The following LRP5 variants were observed in gnomAD, a reference collection of about 807,000 sequenced individuals.
LRP5 encodes the protein low-density lipoprotein receptor-related protein 5.
LRP5 carries 62 observed loss-of-function variants against 154.1 expected under a neutral mutation model. The ratio of observed to expected loss-of-function variants is 0.40; its 90% CI spans 0.33 to 0.50. LRP5 has a LOEUF of 0.50. Among genes scored for constraint, LRP5 ranks in the 20% least tolerant of loss-of-function variants. The pLI is 0.55. For synonymous variants in LRP5, 966 were observed against 1,011.5 expected (o/e 0.96, Z 0.85); for missense variants, 1,915 against 2,336.7 (o/e 0.82, Z 3.72).
chr11:68,341,955 G>T (rs766803713), intron 1 of LRP5, among the ~76,000 whole-genome samples: 66 of 152,176 alleles, frequency 4.3e-4, no homozygotes, highest in Non-Finnish European at 7.5e-4. Flanking sequence ...GCTGGTGCTG[G>T]GCACTCGCCT....
At position 68,438,599 on chromosome 11, in the gene LRP5, T is replaced by A. The variant is rs1554978220; in HGVS notation, c.4265T>A (p.Phe1422Tyr). 1 of 1,614,008 alleles carries A rather than the reference T, an allele frequency of 6.2e-7. No homozygotes were observed. Among genetic ancestry groups the A allele is most frequent in the Non-Finnish European group, 8.5e-7 (1 of 1,179,998 alleles). ...CQRYAGANGP[F>Y]PHEYVSGTPH... ...CGCTATGCGGGGGCCAACGGGCCCT[T>A]CCCGCACGAGTATGTCAGCGGGACC... Residue 1422 changes from phenylalanine (F) to tyrosine (Y), a missense_variant, in exon 20 of 23, where the codon TTC (phenylalanine) becomes TAC (tyrosine). Physicochemically the swap from Phe to Tyr is conservative, Grantham distance 22 (BLOSUM62 3). Around this residue, in one of 3 missense-constraint regions of LRP5, gnomAD observed 1,094 missense variants for 1,210.1 expected, o/e 0.90. Coordinates refer to ENST00000294304, the MANE Select transcript of LRP5 (RefSeq NM_002335.4).
chr11:68,341,388 C>G (rs1329592976), intron 1 of LRP5, among the ~76,000 whole-genome samples: 1 of 152,068 alleles, frequency 6.6e-6, no homozygotes, highest in Non-Finnish European at 1.5e-5. Context: ...GGTGCAGCCT[C>G]AGGTGTCTGC....
chr11:68,344,849 CTTTTTTTTTTTTTTTT>C (rs58477287), intron 1 of LRP5, among the ~76,000 whole-genome samples: 4 of 65,544 alleles, frequency 6.1e-5, no homozygotes, highest in Non-Finnish European at 8.8e-5. Flanking sequence ...GAATCTCTCT[CTTTTTTTTTTTTTTTT>C]TTTTTTTTTT....
rs1298047992 is a variant in LRP5 at position 68,433,595 on chromosome 11, C to T, written c.3764-7C>T. On this transcript the variant is annotated splice_region_variant and splice_polypyrimidine_tract_variant and intron_variant, in intron 17 of 22. Coordinates refer to ENST00000294304, the MANE Select transcript of LRP5 (RefSeq NM_002335.4). ...GCGTGTGATGTTCTCCTCTGTCCCT[C>T]CCCCAGAGCCGCCCACCTGCTCCCC... 3 of 1,610,910 alleles carry T rather than the reference C, an allele frequency of 1.9e-6. No individual in the cohort carries two copies. Among genetic ancestry groups the T allele is most frequent in the Admixed American group, 3.3e-5 (2 of 60,018 alleles).
chr11:68,352,427 G>T (rs1266754577), intron 2 of LRP5, among the ~76,000 whole-genome samples: 1 of 152,224 alleles, frequency 6.6e-6, no homozygotes, highest in African/African-American at 2.4e-5. Context: ...TAATAAAAAT[G>T]CCCTTTCCTC....
chr11:68,360,327 A>G lies in LRP5; in HGVS notation c.686+2480A>G, dbSNP rs116968867. ...CCACTGTGCCTAGCCTGTGTTTGCT[A>G]TTTTGATCCCCTGTGCACAGAGAAG... On this transcript the variant is annotated intron_variant, in intron 3 of 22. Transcript: ENST00000294304. Among the ~76,000 whole-genome samples, 191 of 152,238 alleles carry G rather than the reference A, an allele frequency of 1.3e-3. 3 individuals carry two copies. The East Asian group carries it at 0.034, about 27-fold the overall frequency.
At chr11:68,358,778 C>T (rs1247122209) in intron 3 of LRP5, among the ~76,000 whole-genome samples, 2 of 152,360 alleles carry the variant, frequency 1.3e-5, no homozygotes, top group South Asian at 2.1e-4. Context: ...CTTATAGAAA[C>T]ATCCCTTCTG....
chr11:68,362,329 A>G (rs1249867949), intron 3 of LRP5, among the ~76,000 whole-genome samples: 4 of 152,218 alleles, frequency 2.6e-5, no homozygotes, highest in Non-Finnish European at 5.9e-5. Flanking sequence ...CTTTGGAACT[A>G]GACAGAAGTG....
chr11:68,364,358 ATGTGTG>A (rs113821152), intron 4 of LRP5, among the ~76,000 whole-genome samples: 197 of 145,516 alleles, frequency 1.4e-3, no homozygotes, highest in African/African-American at 3.9e-3. Flanking sequence ...ATACATATAT[ATGTGTG>A]TGTGTGTGTG....
At chr11:68,421,787 TGTGTGTGGG>T (rs2098665921) in intron 13 of LRP5, among the ~76,000 whole-genome samples, 4 of 110,684 alleles carry the variant, frequency 3.6e-5, no homozygotes, top group African/African-American at 1.5e-4. Context: ...TGGGGGTGTG[TGTGTGTGGG>T]GTGTGTGTGT....
intron 1 of LRP5, among the ~76,000 whole-genome samples, chr11:68,314,367 A>G (rs866005614): frequency 4.0e-4 from 61 of 152,218 alleles, no homozygotes; most frequent in Admixed American, 2.6e-3. Context: ...GCAAAAATAG[A>G]GTTGATTATT....
At chr11:68,317,362 A>T (rs2098594011) in intron 1 of LRP5, among the ~76,000 whole-genome samples, 1 of 152,244 alleles carries the variant, frequency 6.6e-6, no homozygotes, top group East Asian at 1.9e-4. Flanking sequence ...TCCTTTGAAG[A>T]GTACCCCGAG....
intron 5 of LRP5, among the ~76,000 whole-genome samples, chr11:68,368,263 G>A (rs1269055874): frequency 1.3e-5 from 2 of 152,204 alleles, no homozygotes; most frequent in Non-Finnish European, 2.9e-5. Flanking sequence ...ATGGACATAG[G>A]ACAGACCTGG....
chr11:68,302,111 C>G, the LRP5 span, among the ~76,000 whole-genome samples: 1 of 151,296 alleles, frequency 6.6e-6, no homozygotes, highest in African/African-American at 2.4e-5. Flanking sequence ...AATCCCAGCA[C>G]TTTGGGAGGC....
chr11:68,344,982 C>A (rs1350400214), intron 1 of LRP5, among the ~76,000 whole-genome samples: 1 of 150,098 alleles, frequency 6.7e-6, no homozygotes, highest in Non-Finnish European at 1.5e-5. Context: ...CCTGCCTCAG[C>A]CTCCTTAGCA....
chr11:68,326,576 C>T (rs1328282900), intron 1 of LRP5, among the ~76,000 whole-genome samples: 3 of 152,232 alleles, frequency 2.0e-5, no homozygotes, highest in African/African-American at 4.8e-5. Context: ...GCGCAGTTGG[C>T]GCTCCGTGGT....
intron 1 of LRP5, among the ~76,000 whole-genome samples, chr11:68,344,044 G>T (rs1289287319): frequency 6.6e-6 from 1 of 151,972 alleles, no homozygotes; most frequent in African/African-American, 2.4e-5. Flanking sequence ...GCCTTCCCCC[G>T]CCCGAGGGAC....
At chr11:68,365,089 C>T (rs978992561) in intron 4 of LRP5, among the ~76,000 whole-genome samples, 2 of 152,256 alleles carry the variant, frequency 1.3e-5, no homozygotes, top group East Asian at 1.9e-4. Context: ...AGCACAAAGA[C>T]AAGACAAGCC....
At position 68,386,242 on chromosome 11, in the gene LRP5, C is replaced by T. The variant is rs17848255; in HGVS notation, c.1016-74C>T. ...GGCCTGGCTGAGTATTTCCCTTGCC[C>T]GGCCCACCCCAGGCCTAGACTTGTG... On this transcript the variant is annotated intron_variant, in intron 5 of 22. Transcript: ENST00000294304. The surrounding 1 kb of genome is among the most constrained non-coding windows in gnomAD (Gnocchi z 7.9). 0.15 allele frequency: 231,762 copies of T among 1,581,264 alleles called. 19,536 individuals carry two copies. The highest frequency in any genetic ancestry group is 0.32 in the Admixed American group (19,286 of 59,834).
Sources: gnomAD v4.1 joint callset for allele counts (sites outside exome capture counted in the v4.1 genomes callset) on GRCh38, gnomAD v4.1.1 for gene constraint, gnomAD v4.1.1 regional missense constraint, Gnocchi (gnomAD v3.1) non-coding constraint, MANE v1.5 for transcripts, NCBI Gene and HGNC (gene_info 2026-07-23, HGNC 2026-07-21) for gene names.